Variants in CCDC57 observed in about 807,000 individuals in gnomAD.
The protein encoded by CCDC57 is coiled-coil domain-containing protein 57.
In CCDC57, 118 loss-of-function variants were observed where a neutral mutation model predicts 118.9. The ratio of observed to expected loss-of-function variants is 0.99; its 90% confidence interval spans 0.86 to 1.16. The LOEUF is 1.16. Ranked by LOEUF, CCDC57 falls within the 50% of genes most tolerant of loss-of-function variation. The pLI, the probability that CCDC57 is intolerant of heterozygous loss-of-function variation, is 0.00. For synonymous variants in CCDC57, 527 were observed against 532.9 expected (o/e 0.99, Z 0.15); for missense variants, 1,300 against 1,320.7 (o/e 0.98, Z 0.24).
rs368825879 is a variant in CCDC57 at position 82,163,180 on chromosome 17, C to T, written c.2040+20G>A. 6.4e-5 allele frequency: 103 copies of T among 1,611,312 alleles called. No individual in the cohort carries two copies. The highest frequency in any genetic ancestry group is 7.8e-5 in the Non-Finnish European group (92 of 1,177,946). On this transcript the variant is annotated intron_variant, in intron 14 of 19. Transcript: ENST00000665763. ...CAGCGGCTCTCTAGGAGGATGACCC[C>T]ACAAACTTGACTGCCTCACCTTCTG...
intron 9 of CCDC57, among the ~76,000 whole-genome samples, chr17:82,180,715 TC>T (rs1171832194): frequency 6.6e-6 from 1 of 152,182 alleles, no homozygotes; most frequent in African/African-American, 2.4e-5. Context: ...GACCTCGTGA[TC>T]CGCCCGCCTC....
At chr17:82,158,718 TTTTA>T (rs2145990890) in intron 14 of CCDC57, among the ~76,000 whole-genome samples, 1 of 152,082 alleles carries the variant, frequency 6.6e-6, no homozygotes, top group South Asian at 2.1e-4. Context: ...TTGTATTAAT[TTTTA>T]TTTATTTACT....
chr17:82,207,917 C>G (rs2049862955), exon 2 of CCDC57: 1 of 152,218 alleles, frequency 6.6e-6, no homozygotes, highest in South Asian at 2.1e-4. Flanking sequence ...GAGTCTGCGG[C>G]AGAACTGACT....
chr17:82,168,316 C>T (rs952748374), intron 13 of CCDC57, among the ~76,000 whole-genome samples: 2 of 152,168 alleles, frequency 1.3e-5, no homozygotes, highest in African/African-American at 2.4e-5. Flanking sequence ...GTCTTTAGGC[C>T]GGGCGCAGTG....
At chr17:82,185,522 G>C (rs2046819107) in intron 8 of CCDC57, among the ~76,000 whole-genome samples, 2 of 151,956 alleles carry the variant, frequency 1.3e-5, no homozygotes, top group African/African-American at 2.4e-5. Flanking sequence ...GGGAGGCTGA[G>C]GGGGGTGGAT....
At chr17:82,150,893 C>A (rs1219379119) in intron 16 of CCDC57, among the ~76,000 whole-genome samples, 9 of 38,852 alleles carry the variant, frequency 2.3e-4, no homozygotes, top group South Asian at 1.5e-3. Flanking sequence ...AGAACCTGAC[C>A]CACACCCAGA....
chr17:82,188,369 G>A lies in CCDC57; in HGVS notation c.902C>T (p.Ala301Val), dbSNP rs377274579. The stretch of plus-strand genomic sequence containing the variant: ...CTGCTCCACGTGGGCTCCCTTCACC[G>A]CCACCAGCACTGCATCCTTCTCCCT... The change falls in exon 8 of 20, where the codon GCG becomes GTG. Residue 301 changes from alanine (A) to valine (V), a missense_variant. By Grantham distance (64) the Ala-to-Val change is moderately conservative. Transcript: ENST00000665763. 10 of 1,611,254 alleles carry A rather than the reference G, an allele frequency of 6.2e-6. No homozygotes were observed. The African/African-American group carries it at 9.3e-5, about 15-fold the overall frequency.
intron 19 of CCDC57, 136 bp from the exon 19 acceptor site, chr17:82,102,002 TC>T (rs1369719991): frequency 1.2e-6 from 1 of 863,514 alleles, no homozygotes; most frequent in Non-Finnish European, 1.7e-6. Context: ...GGCCTGGCTT[TC>T]CTCCAGGAGT....
chr17:82,105,763 C>T (rs980449175), intron 19 of CCDC57, among the ~76,000 whole-genome samples: 17 of 152,180 alleles, frequency 1.1e-4, no homozygotes, highest in Non-Finnish European at 8.8e-5. Context: ...GGGGACACTC[C>T]GGGCCTGCTA....
chr17:82,194,818 A>G (rs1371860016), intron 5 of CCDC57, among the ~76,000 whole-genome samples: 2 of 152,264 alleles, frequency 1.3e-5, no homozygotes, highest in African/African-American at 2.4e-5. Context: ...CCAGCTGCAC[A>G]CTGAGCTCTT....
intron 14 of CCDC57, among the ~76,000 whole-genome samples, chr17:82,161,626 G>T (rs115283721): frequency 2.0e-5 from 3 of 152,302 alleles, no homozygotes; most frequent in African/African-American, 7.2e-5. Flanking sequence ...TCTACTCAAT[G>T]AAAGAAGCCG....
chr17:82,137,936 T>C (rs2039451563), intron 16 of CCDC57, among the ~76,000 whole-genome samples: 1 of 151,878 alleles, frequency 6.6e-6, no homozygotes, highest in African/African-American at 2.4e-5. Context: ...CCTCCCAAAG[T>C]GCTGGGATTA....
intron 15 of CCDC57, chr17:82,155,505 G>C (rs3935129): frequency 0.47 from 71,225 of 152,202 alleles, 17,484 homozygotes; most frequent in East Asian, 0.88. Context: ...GCTAGAGCCC[G>C]GGCTCCTGTG....
intron 19 of CCDC57, among the ~76,000 whole-genome samples, chr17:82,120,758 G>T (rs915541338): frequency 2.0e-5 from 3 of 151,932 alleles, no homozygotes; most frequent in Admixed American, 6.6e-5. Flanking sequence ...TATCTTTCTT[G>T]CTTGCTTTTT....
rs376118445 is a variant in CCDC57, at chr17:82,172,619, G to C, written c.1729+19C>G. The C allele has an allele frequency of 1.3e-6, 2 of 1,546,590 alleles. No homozygotes were observed. The highest frequency in any genetic ancestry group is 2.0e-5 in the Admixed American group (1 of 50,968). On this transcript the variant is annotated intron_variant, in intron 12 of 19. Coordinates refer to ENST00000665763, the Ensembl canonical transcript of CCDC57. The surrounding 1 kb of genome is among the most constrained non-coding windows in gnomAD (Gnocchi z 5.2). Reference sequence around the variant, plus strand: ...TCCCCCTTCCTCTCCCGCTCTGTCCGTTTCTCCCACTTACTCACCAGGAGT... The same window carrying C: ...TCCCCCTTCCTCTCCCGCTCTGTCCCTTTCTCCCACTTACTCACCAGGAGT...
intron 15 of CCDC57, chr17:82,157,405 T>C: frequency 8.1e-7 from 1 of 1,237,700 alleles, no homozygotes; most frequent in Non-Finnish European, 1.0e-6. Flanking sequence ...CAGCAGGCCG[T>C]CAAGGCCCTG....
At chr17:82,189,696 T>C (rs2047410143) in intron 7 of CCDC57, among the ~76,000 whole-genome samples, 1 of 151,666 alleles carries the variant, frequency 6.6e-6, no homozygotes, top group African/African-American at 2.4e-5. Flanking sequence ...CTAAAAAAAA[T>C]ACAAAAATTA....
At chr17:82,189,670 C>T (rs969116129) in intron 7 of CCDC57, among the ~76,000 whole-genome samples, 2 of 151,894 alleles carry the variant, frequency 1.3e-5, no homozygotes, top group Non-Finnish European at 2.9e-5. Context: ...GCCAACATGG[C>T]GAAACCCAGT....
intron 16 of CCDC57, among the ~76,000 whole-genome samples, chr17:82,146,721 A>T (rs1343859214): frequency 6.6e-6 from 1 of 152,252 alleles, no homozygotes; most frequent in Non-Finnish European, 1.5e-5. Context: ...GGATGTGTGC[A>T]TGCATGCACA....
Sources: gnomAD v4.1 joint callset for allele counts (sites outside exome capture counted in the v4.1 genomes callset) on GRCh38, gnomAD v4.1.1 for gene constraint, Gnocchi (gnomAD v3.1) non-coding constraint, MANE v1.5 for transcripts, NCBI Gene and HGNC (gene_info 2026-07-23, HGNC 2026-07-21) for gene names.